The following PPP2R2B variants were observed in gnomAD, a reference collection of about 807,000 sequenced individuals.
PPP2R2B encodes serine/threonine-protein phosphatase 2A 55 kDa regulatory subunit B beta isoform.
PPP2R2B carries 5 observed loss-of-function variants against 46.0 expected under a neutral mutation model. The ratio of observed to expected loss-of-function variants is 0.11; its 90% CI spans 0.06 to 0.23. PPP2R2B has a LOEUF of 0.23. Ranked by LOEUF, PPP2R2B falls within the 10% of genes least tolerant of loss-of-function variation. PPP2R2B has a pLI of 1.00. For missense variants in PPP2R2B, 367 were observed against 575.0 expected, an observed-to-expected ratio of 0.64 and a Z score of 3.70; for synonymous variants, 215 against 206.7, an observed-to-expected ratio of 1.04 and a Z score of -0.34.
intron 7 of PPP2R2B, among the ~76,000 whole-genome samples, chr5:146,603,028 G>T (rs1283443495): frequency 5.9e-5 from 9 of 152,180 alleles, no homozygotes; most frequent in African/African-American, 2.2e-4. Flanking sequence ...TTGTGCTCTG[G>T]AGTCATCAAT....
chr5:146,929,853 G>A (rs2151821008), intron 1 of PPP2R2B, among the ~76,000 whole-genome samples: 1 of 152,228 alleles, frequency 6.6e-6, no homozygotes, highest in African/African-American at 2.4e-5. Context: ...AAGGTAGTAT[G>A]TATATTACAG....
chr5:146,950,255 A>C (rs1309069790), intron 1 of PPP2R2B, among the ~76,000 whole-genome samples: 1 of 152,006 alleles, frequency 6.6e-6, no homozygotes, highest in Non-Finnish European at 1.5e-5. Flanking sequence ...CCTACATTTT[A>C]CCTGTAAAAA....
At chr5:146,951,927 A>C (rs946342608) in intron 1 of PPP2R2B, among the ~76,000 whole-genome samples, 1 of 151,658 alleles carries the variant, frequency 6.6e-6, no homozygotes, top group Non-Finnish European at 1.5e-5. Context: ...ATCTTTGGAG[A>C]ATCGCCACAG....
At chr5:146,658,225 G>C (rs868581425) in intron 5 of PPP2R2B, among the ~76,000 whole-genome samples, 2 of 152,162 alleles carry the variant, frequency 1.3e-5, no homozygotes, top group Non-Finnish European at 2.9e-5. Flanking sequence ...GGGACCACAG[G>C]TTTGAGGCCC....
chr5:147,069,785 G>GCTTTTTTT (rs1757521827), intron 2 of PPP2R2B, among the ~76,000 whole-genome samples: 2 of 64,786 alleles, frequency 3.1e-5, no homozygotes, highest in East Asian at 4.7e-4. Flanking sequence ...ATTTTATACT[G>GCTTTTTTT]TTTTTTTTTT....
intron 1 of PPP2R2B, among the ~76,000 whole-genome samples, chr5:146,950,857 T>C (rs1203934712): frequency 6.6e-6 from 1 of 152,124 alleles, no homozygotes; most frequent in Non-Finnish European, 1.5e-5. Flanking sequence ...AGGTATGCCA[T>C]TTACCAGGTA....
At chr5:146,615,441 A>C (rs1484234499) in intron 7 of PPP2R2B, among the ~76,000 whole-genome samples, 6 of 124,086 alleles carry the variant, frequency 4.8e-5, no homozygotes, top group Admixed American at 1.6e-4. Flanking sequence ...AGCATGGCAC[A>C]TGTATACATA....
intron 1 of PPP2R2B, among the ~76,000 whole-genome samples, chr5:146,884,063 AAAAAAAAACACTATGTAAATT>A (rs1762248282): frequency 6.6e-6 from 1 of 150,492 alleles, no homozygotes; most frequent in Admixed American, 6.6e-5. Context: ...ACAGAAAATT[AAAAAAAAACACTATGTAAATT>A]CAGGGTTTTT....
chr5:146,935,247 G>C (rs1303713258), intron 1 of PPP2R2B, among the ~76,000 whole-genome samples: 2 of 152,150 alleles, frequency 1.3e-5, no homozygotes, highest in Non-Finnish European at 2.9e-5. Flanking sequence ...TATGTAATAG[G>C]CTCCAGATAG....
chr5:146,740,657 A>G (rs535362691), intron 2 of PPP2R2B, among the ~76,000 whole-genome samples: 23 of 152,022 alleles, frequency 1.5e-4, no homozygotes, highest in Admixed American at 1.3e-4. Flanking sequence ...ATTAAAATAT[A>G]TAGGGTAATT....
chr5:146,987,033 AG>A (rs1409772727), intron 1 of PPP2R2B, among the ~76,000 whole-genome samples: 1 of 152,156 alleles, frequency 6.6e-6, no homozygotes, highest in Non-Finnish European at 1.5e-5. Flanking sequence ...CAACAGATAA[AG>A]GAGCTCCAAT....
chr5:146,957,131 T>C (rs1751948762), intron 1 of PPP2R2B, among the ~76,000 whole-genome samples: 1 of 152,186 alleles, frequency 6.6e-6, no homozygotes, highest in Non-Finnish European at 1.5e-5. Flanking sequence ...TATTGTCCAA[T>C]ATTTTACCAC....
intron 1 of PPP2R2B, among the ~76,000 whole-genome samples, chr5:147,011,450 G>C (rs1754730099): frequency 6.6e-6 from 1 of 152,014 alleles, no homozygotes; most frequent in Non-Finnish European, 1.5e-5. Context: ...ATAACTTGCT[G>C]TCTATGCACA....
chr5:146,581,782 A>ATTGT lies in PPP2R2B; in HGVS notation c.*8161_*8164dup, dbSNP rs1387931781. On this transcript the variant is annotated 3_prime_UTR_variant, in exon 10 of 10. Transcript: ENST00000394411. Reference sequence around the variant, plus strand: ...AGATTGTCTTTAATATGCAACTATGATTGTTTGCTGTTCTCTTTATATATT... The same window carrying ATTGT: ...AGATTGTCTTTAATATGCAACTATGATTGTTTGTTTGCTGTTCTCTTTATATATT... 3 of 152,130 alleles carry ATTGT rather than the reference A, an allele frequency of 2.0e-5. No homozygotes were observed. Among genetic ancestry groups the ATTGT allele is most frequent in the Admixed American group, 1.3e-4 (2 of 15,270 alleles). The allele number at this position is 152,130 out of a possible 1,614,324, so 9.4% of individuals were successfully genotyped here. A position where few individuals can be genotyped will look rare whatever the true frequency, so the allele number is the denominator to read the frequency against.
chr5:146,665,255 A>T (rs906048016), intron 5 of PPP2R2B, among the ~76,000 whole-genome samples: 1 of 152,204 alleles, frequency 6.6e-6, no homozygotes, highest in Non-Finnish European at 1.5e-5. Flanking sequence ...TCTTGTCTAC[A>T]CTGAAGCTCT....
intron 2 of PPP2R2B, among the ~76,000 whole-genome samples, chr5:146,795,312 TAATA>T (rs543341687): frequency 1.2e-4 from 19 of 152,188 alleles, no homozygotes; most frequent in African/African-American, 4.3e-4. Context: ...ACAGATTAAT[TAATA>T]AAGAAAATGT....
intron 1 of PPP2R2B, among the ~76,000 whole-genome samples, chr5:147,036,210 A>G (rs535433819): frequency 1.7e-4 from 26 of 152,004 alleles, no homozygotes; most frequent in Admixed American, 6.6e-4. Context: ...TGTTCCCCCA[A>G]TGTGTCATTG....
At chr5:146,955,085 A>T (rs548685607) in intron 1 of PPP2R2B, among the ~76,000 whole-genome samples, 2 of 152,220 alleles carry the variant, frequency 1.3e-5, no homozygotes, top group African/African-American at 4.8e-5. Context: ...TTGGCCATTA[A>T]CTCATCTAGT....
At chr5:146,795,279 A>T (rs532144234) in intron 2 of PPP2R2B, among the ~76,000 whole-genome samples, 17 of 152,320 alleles carry the variant, frequency 1.1e-4, no homozygotes, top group Non-Finnish European at 1.9e-4. Flanking sequence ...GATAAGATAT[A>T]GAAACAACTT....
Sources: allele counts gnomAD v4.1 joint callset (sites outside exome capture counted in the v4.1 genomes callset), GRCh38; gene constraint gnomAD v4.1.1; transcripts MANE v1.5; gene names NCBI Gene and HGNC (gene_info 2026-07-23, HGNC 2026-07-21).